TDRD9: variants seen among roughly 807,000 people sequenced by gnomAD.
TDRD9 encodes ATP-dependent RNA helicase TDRD9.
A neutral mutation model predicts 172.6 loss-of-function variants in TDRD9; 124 were observed. The ratio of observed to expected loss-of-function variants is 0.72; its 90% CI spans 0.62 to 0.83. TDRD9 has a LOEUF of 0.83. TDRD9 is among the 40% of genes least tolerant of loss of function. The pLI is 0.00. For synonymous variants in TDRD9, 619 were observed against 617.1 expected (o/e 1.00, Z -0.05); for missense variants, 1,479 against 1,714.1 (o/e 0.86, Z 2.42).
intron 3 of TDRD9, among the ~76,000 whole-genome samples, chr14:103,964,254 A>C (rs905255930): frequency 6.6e-6 from 1 of 152,214 alleles, no homozygotes; most frequent in Admixed American, 6.5e-5. Flanking sequence ...AAAAATAAAT[A>C]AACAGATATT....
In TDRD9 at chr14:103,947,121, T is replaced by A. The variant is rs534021477; in HGVS notation, c.216-8543T>A. On this transcript the variant is annotated intron_variant, in intron 1 of 35. Coordinates refer to ENST00000409874, the MANE Select transcript of TDRD9 (RefSeq NM_153046.3). The stretch of plus-strand genomic sequence containing the variant: ...AAGTACAAAGCTGGAAGACTCACAT[T>A]TCCTGATTTTTAAATTACTACAAAG... 2.0e-5 allele frequency among the ~76,000 whole-genome samples: 3 copies of A among 152,234 alleles called. No individual in the cohort carries two copies. In the South Asian group the frequency reaches 6.2e-4, roughly 32 times the overall value.
intron 34 of TDRD9, among the ~76,000 whole-genome samples, chr14:104,046,803 A>C (rs955637901): frequency 1.3e-5 from 2 of 151,654 alleles, no homozygotes; most frequent in Non-Finnish European, 2.9e-5. Context: ...CCGCCACCAC[A>C]CCTGGCTAAT....
chr14:104,049,511 G>C, intron 34 of TDRD9, 97 bp from the exon 35 acceptor site: 1 of 942,312 alleles, frequency 1.1e-6, no homozygotes. Context: ...TTCCAATTCT[G>C]TGGGAAGCAT....
Position 104,052,222 on chromosome 14 carries a change from T to A in TDRD9, c.*140T>A. 1 of 531,320 alleles carries A rather than the reference T, an allele frequency of 1.9e-6. No individual in the cohort carries two copies. Among genetic ancestry groups the A allele is most frequent in the East Asian group, 3.2e-5 (1 of 31,542 alleles). The allele number at this position is 531,320 out of a possible 1,614,324, so 32.9% of individuals were successfully genotyped here. ...TGCATCCTAAAGGCCTTTTCTTTCTTCTTTTCTCTTTGGGTGATAGTCAGA... is the reference window on the plus strand; with the variant it reads ...TGCATCCTAAAGGCCTTTTCTTTCTACTTTTCTCTTTGGGTGATAGTCAGA... On this transcript the variant is annotated 3_prime_UTR_variant, in exon 36 of 36. Transcript: ENST00000409874.
chr14:104,025,292 T>C (rs1042949962), intron 25 of TDRD9, among the ~76,000 whole-genome samples: 18 of 152,340 alleles, frequency 1.2e-4, no homozygotes, highest in Admixed American at 1.0e-3. Flanking sequence ...GAAATGCTTA[T>C]ATGACCTCAG....
At chr14:103,947,669 C>G in intron 1 of TDRD9, among the ~76,000 whole-genome samples, 1 of 152,158 alleles carries the variant, frequency 6.6e-6, no homozygotes, top group East Asian at 1.9e-4. Context: ...TAGTGGAAAT[C>G]CACAGGCAAA....
At chr14:103,953,123 A>G (rs1194940663) in intron 1 of TDRD9, among the ~76,000 whole-genome samples, 1 of 152,186 alleles carries the variant, frequency 6.6e-6, no homozygotes, top group Admixed American at 6.5e-5. Flanking sequence ...CTGTTAAACT[A>G]AAAGTCAGAT....
chr14:104,049,471 A>G, intron 34 of TDRD9, 137 bp from the exon 35 acceptor site: 1 of 640,314 alleles, frequency 1.6e-6, no homozygotes, highest in South Asian at 2.5e-5. Flanking sequence ...ATAACTGCAT[A>G]AATGTTGACC....
chr14:103,938,414 G>C (rs7492671), intron 1 of TDRD9, among the ~76,000 whole-genome samples: 1 of 97,512 alleles, frequency 1.0e-5, no homozygotes, highest in Non-Finnish European at 1.8e-5. Flanking sequence ...GTGTGTGTGT[G>C]TATATATATA....
chr14:104,031,283 A>G lies in TDRD9; in HGVS notation c.3438+20A>G. ...TGTAAGGTGATTGTAGGAGTTTTAA[A>G]ATGTAATTTAAAAGCTTAGTATCAT... On this transcript the variant is annotated intron_variant, in intron 29 of 35. Coordinates refer to ENST00000409874, the MANE Select transcript of TDRD9 (RefSeq NM_153046.3). 2 of 1,541,328 alleles carry G rather than the reference A, an allele frequency of 1.3e-6. No homozygotes were observed. Among genetic ancestry groups the G allele is most frequent in the East Asian group, 4.9e-5 (2 of 40,836 alleles).
At chr14:103,975,619 A>G in intron 7 of TDRD9, 66 bp downstream of exon 7, 1 of 1,448,430 alleles carries the variant, frequency 6.9e-7, no homozygotes. Flanking sequence ...ACCTGCATTC[A>G]TCACCTATGA....
chr14:103,932,432 G>C (rs2030452547), intron 1 of TDRD9, among the ~76,000 whole-genome samples: 1 of 152,192 alleles, frequency 6.6e-6, no homozygotes, highest in Non-Finnish European at 1.5e-5. Flanking sequence ...CTGTCGCCCA[G>C]GCTGGAGTGT....
intron 1 of TDRD9, among the ~76,000 whole-genome samples, chr14:103,949,781 G>A (rs113179546): frequency 0.023 from 3,544 of 152,230 alleles, 79 homozygotes; most frequent in East Asian, 0.071. Flanking sequence ...CCAGGTTCAA[G>A]TGATTCTCCT....
chr14:103,987,390 C>T (rs2033710335), intron 8 of TDRD9, among the ~76,000 whole-genome samples: 1 of 152,106 alleles, frequency 6.6e-6, no homozygotes, highest in Non-Finnish European at 1.5e-5. Context: ...GTTCATTCAT[C>T]TTCCAAATTT....
At chr14:104,011,038 G>C (rs963435609) in intron 20 of TDRD9, among the ~76,000 whole-genome samples, 1 of 152,194 alleles carries the variant, frequency 6.6e-6, no homozygotes, top group Non-Finnish European at 1.5e-5. Context: ...GTGAGTAAAC[G>C]TGTTGCCCTA....
chr14:103,991,537 C>T (rs1056404865), intron 9 of TDRD9, among the ~76,000 whole-genome samples: 8 of 151,234 alleles, frequency 5.3e-5, no homozygotes, highest in African/African-American at 1.9e-4. Context: ...CTCAGCTTCC[C>T]GAGTAGCTGG....
At chr14:103,949,137 A>G (rs987324540) in intron 1 of TDRD9, among the ~76,000 whole-genome samples, 1 of 152,222 alleles carries the variant, frequency 6.6e-6, no homozygotes. Context: ...TGAACTGTAC[A>G]CTTAAAAATA....
rs2033206492 is a variant in TDRD9 at position 103,975,637 on chromosome 14, GC to G, written c.1011+87del. ...TGCATTCATCACCTATGATTGTAAG[GC>G]CCTGCGAGAAAATTATTATTTTAAA... On this transcript the variant is annotated intron_variant, in intron 7 of 35. Transcript: ENST00000409874. 3 of 1,325,218 alleles carry G rather than the reference GC, an allele frequency of 2.3e-6. No individual in the cohort carries two copies. The Admixed American group carries it at 8.4e-5, about 37-fold the overall frequency. 82.1% of individuals were successfully genotyped at this position (1,325,218 alleles called of 1,614,324 possible).
At chr14:103,973,961 G>A (rs1276791084) in intron 6 of TDRD9, among the ~76,000 whole-genome samples, 5 of 152,176 alleles carry the variant, frequency 3.3e-5, no homozygotes, top group Non-Finnish European at 5.9e-5. Flanking sequence ...ACTTTGGGAG[G>A]CCGAGGTGGG....
Sources: gnomAD v4.1 joint callset for allele counts (sites outside exome capture counted in the v4.1 genomes callset) on GRCh38, gnomAD v4.1.1 for gene constraint, MANE v1.5 for transcripts, NCBI Gene and HGNC (gene_info 2026-07-23, HGNC 2026-07-21) for gene names.